Variants in ACAN observed in about 807,000 individuals in gnomAD.
ACAN encodes the protein aggrecan.
ACAN carries 47 observed loss-of-function variants against 169.1 expected under a neutral mutation model. The ratio of observed to expected loss-of-function variants is 0.28; its 90% CI spans 0.22 to 0.35. The LOEUF is 0.35. Ranked by LOEUF, ACAN falls within the 10% of genes least tolerant of loss-of-function variation. The probability of loss-of-function intolerance (pLI) is 1.00; values close to 1 mark genes in which losing one functional copy is unlikely to be tolerated. For synonymous variants in ACAN, 1,115 were observed against 1,112.2 expected (o/e 1.00, Z -0.05); for missense variants, 2,716 against 2,759.9 (o/e 0.98, Z 0.36).
intron 1 of ACAN, among the ~76,000 whole-genome samples, chr15:88,832,636 T>C (rs141986413): frequency 6.6e-6 from 1 of 152,348 alleles, no homozygotes; most frequent in East Asian, 1.9e-4. Flanking sequence ...ATTCGGATTG[T>C]AGATGATGGT....
rs758178161 is a variant in ACAN at position 88,864,272 on chromosome 15, C to CT, written c.6946+3846dup. The stretch of plus-strand genomic sequence containing the variant: ...AAATAATGATAGCATATGTTATAAC[C>CT]TTTTTTTTTTTTTAAGACAGAGTCT... On this transcript the variant is annotated intron_variant, in intron 13 of 18. Transcript: ENST00000560601. Among the ~76,000 whole-genome samples the CT allele has an allele frequency of 1.4e-3, 200 of 145,040 alleles. 1 individual carries two copies. The highest frequency in any genetic ancestry group is 5.5e-3 in the South Asian group (25 of 4,540).
At chr15:88,830,086 A>G (rs1229444097) in intron 1 of ACAN, among the ~76,000 whole-genome samples, 1 of 152,066 alleles carries the variant, frequency 6.6e-6, no homozygotes, top group African/African-American at 2.4e-5. Flanking sequence ...GCCAGCAAAC[A>G]TTTGCTGAGT....
intron 1 of ACAN, among the ~76,000 whole-genome samples, chr15:88,820,466 C>T (rs1896048343): frequency 6.6e-6 from 1 of 152,154 alleles, no homozygotes; most frequent in Admixed American, 6.5e-5. Context: ...TTTCTATAGC[C>T]CAATCTTGGA....
intron 1 of ACAN, among the ~76,000 whole-genome samples, chr15:88,821,016 A>G (rs531310884): frequency 3.3e-5 from 5 of 152,258 alleles, no homozygotes; most frequent in African/African-American, 1.2e-4. Flanking sequence ...GCAAAGGGGG[A>G]AAAGCCCCTT....
Position 88,870,717 on chromosome 15 carries a change from C to A in ACAN, c.7061-665C>A, listed in dbSNP as rs1414353034. Among the ~76,000 whole-genome samples, 1 of 152,094 alleles carries A rather than the reference C, an allele frequency of 6.6e-6. No individual in the cohort carries two copies. The highest frequency in any genetic ancestry group is 1.5e-5 in the Non-Finnish European group (1 of 68,012). On this transcript the variant is annotated intron_variant, in intron 14 of 18. Coordinates refer to ENST00000560601, the MANE Select transcript of ACAN (RefSeq NM_001369268.1). This position sits in a 1 kb window ranked among gnomAD's most constrained non-coding sequence, Gnocchi z 6.3. ...GAAGCTCCTCCCCTCTTCCCATTCA[C>A]CCCCAAAATAAAAAGCCAGGGCCCC...
intron 12 of ACAN, 31 bp downstream of exon 12, chr15:88,859,448 C>T: frequency 6.4e-7 from 1 of 1,551,566 alleles, no homozygotes; most frequent in East Asian, 2.4e-5. Flanking sequence ...TTTAAATGTG[C>T]TTAGGTAGTT....
Position 88,872,186 on chromosome 15 carries a change from ACCAGCTGC to A in ACAN, c.7302+102_7302+109del. ...TCAAACCCCATGCAGACAGCCGCTT[ACCAGCTGC>A]TGGACCGGGAACCCTTGAGGGCAGG... On this transcript the variant is annotated intron_variant, in intron 16 of 18. Transcript: ENST00000560601. The surrounding 1 kb of genome is among the most constrained non-coding windows in gnomAD (Gnocchi z 5.4). 9.7e-7 allele frequency: 1 copy of A among 1,026,794 alleles called. No homozygotes were observed. 63.6% of individuals were successfully genotyped at this position (1,026,794 alleles called of 1,614,324 possible).
At position 88,872,210 on chromosome 15, in the gene ACAN, T is replaced by G; in HGVS notation, c.7302+125T>G. ...TACCAGCTGCTGGACCGGGAACCCT[T>G]GAGGGCAGGGATTATCTCCTTCATC... On this transcript the variant is annotated intron_variant, in intron 16 of 18. Transcript: ENST00000560601. The surrounding 1 kb of genome is among the most constrained non-coding windows in gnomAD (Gnocchi z 5.4). The G allele has an allele frequency of 1.2e-6, 1 of 801,020 alleles. No homozygotes were observed. The highest frequency in any genetic ancestry group is 2.7e-5 in the East Asian group (1 of 37,326). 49.6% of individuals were successfully genotyped at this position (801,020 alleles called of 1,614,324 possible).
At chr15:88,809,230 A>T (rs1320118539) in intron 1 of ACAN, among the ~76,000 whole-genome samples, 2 of 152,150 alleles carry the variant, frequency 1.3e-5, no homozygotes, top group Non-Finnish European at 2.9e-5. Context: ...TTGCCATAGT[A>T]TTCCCTCTGC....
At chr15:88,860,264 G>T in intron 12 of ACAN, 62 bp from the exon 13 acceptor site, 1 of 1,263,384 alleles carries the variant, frequency 7.9e-7, no homozygotes, top group Non-Finnish European at 1.1e-6. Context: ...TTGAGGTCTT[G>T]GAGGCCATGG....
chr15:88,871,428 T>C lies in ACAN; in HGVS notation c.7107T>C (p.Cys2369=). 1 of 1,613,926 alleles carries C rather than the reference T, an allele frequency of 6.2e-7. No individual in the cohort carries two copies. The change falls in exon 15 of 19, where the codon TGT becomes TGC. Residue 2369 remains cysteine (C), a synonymous_variant. Transcript: ENST00000560601. This position sits in a 1 kb window ranked among gnomAD's most constrained non-coding sequence, Gnocchi z 7.8. ...GCTGGAACAAGTACCAGGGCCACTG[T>C]TACCGCCACTTCCCGGACCGCGAGA... ...EEGWNKYQGH[C]YRHFPDRETW... is the part of the protein sequence containing the mutation.
Position 88,838,553 on chromosome 15 carries a change from C to A in ACAN, c.71-110C>A. On this transcript the variant is annotated intron_variant, in intron 2 of 18. Transcript: ENST00000560601. This position sits in a 1 kb window ranked among gnomAD's most constrained non-coding sequence, Gnocchi z 5.1. ...CCATCATAGAGACAGACACACTCATCGGATTTCGCTCTCTCAGGAGAGTGC... is the reference window on the plus strand; with the variant it reads ...CCATCATAGAGACAGACACACTCATAGGATTTCGCTCTCTCAGGAGAGTGC... 3 of 1,307,002 alleles carry A rather than the reference C, an allele frequency of 2.3e-6. No individual in the cohort carries two copies. The highest frequency in any genetic ancestry group is 3.2e-6 in the Non-Finnish European group (3 of 946,792). 81.0% of individuals were successfully genotyped at this position (1,307,002 alleles called of 1,614,324 possible).
At chr15:88,841,263 T>C (rs2141570638) in intron 4 of ACAN, among the ~76,000 whole-genome samples, 1 of 152,352 alleles carries the variant, frequency 6.6e-6, no homozygotes, top group Admixed American at 6.5e-5. Context: ...AGATTGATGA[T>C]AGCACCTACC....
In ACAN at chr15:88,849,976, T is replaced by C; in HGVS notation, c.2026+245T>C. 1 of 634,464 alleles carries C rather than the reference T, an allele frequency of 1.6e-6. No individual in the cohort carries two copies. Among genetic ancestry groups the C allele is most frequent in the Non-Finnish European group, 2.8e-6 (1 of 355,832 alleles). The allele number at this position is 634,464 out of a possible 1,614,324, so 39.3% of individuals were successfully genotyped here. ...AACTTGAGCTGGTATTTATGTCTAC[T>C]AGAAATGAAGCAGACCTGAATTTGA... On this transcript the variant is annotated intron_variant, in intron 10 of 18. Transcript: ENST00000560601. This position sits in a 1 kb window ranked among gnomAD's most constrained non-coding sequence, Gnocchi z 5.1.
Position 88,871,484 on chromosome 15 carries a change from A to T in ACAN, c.7163A>T (p.Glu2388Val). ...TWVDAERRCR[E>V]QQSHLSSIVT... ...GTGGATGCTGAGCGCCGGTGTCGGGAGCAGCAGTCACACCTGAGCAGCATC... is the reference window on the plus strand; with the variant it reads ...GTGGATGCTGAGCGCCGGTGTCGGGTGCAGCAGTCACACCTGAGCAGCATC... The change falls in exon 15 of 19, where the codon GAG (glutamate) becomes GTG (valine). Residue 2388 changes from glutamate (E) to valine (V), a missense_variant. Glu to Val is a moderately radical substitution (Grantham distance 121). This residue lies in a region of ACAN where 1,389 missense variants were observed against 1,363.7 expected (regional missense o/e 1.02). Coordinates refer to ENST00000560601, the MANE Select transcript of ACAN (RefSeq NM_001369268.1). The surrounding 1 kb of genome is among the most constrained non-coding windows in gnomAD (Gnocchi z 7.8). 6.2e-7 allele frequency: 1 copy of T among 1,613,824 alleles called. No individual in the cohort carries two copies. Among genetic ancestry groups the T allele is most frequent in the South Asian group, 1.1e-5 (1 of 91,066 alleles).
chr15:88,841,556 TG>T (rs1896661499), intron 4 of ACAN, among the ~76,000 whole-genome samples, 183 bp from the exon 5 acceptor site: 1 of 152,210 alleles, frequency 6.6e-6, no homozygotes, highest in Admixed American at 6.5e-5. Context: ...TATTCAGTAG[TG>T]GGGGCTGCCT....
rs1897385956 is a variant in ACAN at position 88,871,811 on chromosome 15, G to C, written c.7220-192G>C. Among the ~76,000 whole-genome samples the C allele has an allele frequency of 6.6e-6, 1 of 152,236 alleles. No homozygotes were observed. The highest frequency in any genetic ancestry group is 2.1e-4 in the South Asian group (1 of 4,834). ...TGTCACCCGTCCATGCCAGCTTGGA[G>C]AGGTGGCCCGAAGTGCACTCCAGGC... On this transcript the variant is annotated intron_variant, in intron 15 of 18. Transcript: ENST00000560601. This position sits in a 1 kb window ranked among gnomAD's most constrained non-coding sequence, Gnocchi z 7.8.
Position 88,871,673 on chromosome 15 carries a change from T to A in ACAN, c.7219+133T>A, listed in dbSNP as rs988958066. The A allele has an allele frequency of 7.9e-7, 1 of 1,264,104 alleles. No homozygotes were observed. Among genetic ancestry groups the A allele is most frequent in the African/African-American group, 1.5e-5 (1 of 66,732 alleles). 78.3% of individuals were successfully genotyped at this position (1,264,104 alleles called of 1,614,324 possible). ...GGACCTGGGGGAGGGGGAACAGTGT[T>A]CCCACAGTCTGAGCTCCCAGAGAGA... On this transcript the variant is annotated intron_variant, in intron 15 of 18. Coordinates refer to ENST00000560601, the MANE Select transcript of ACAN (RefSeq NM_001369268.1). The surrounding 1 kb of genome is among the most constrained non-coding windows in gnomAD (Gnocchi z 7.8).
chr15:88,874,153 C>A lies in ACAN; in HGVS notation c.7630+129C>A. The A allele has an allele frequency of 1.5e-6, 2 of 1,320,616 alleles. No individual in the cohort carries two copies. Among genetic ancestry groups the A allele is most frequent in the Non-Finnish European group, 2.1e-6 (2 of 952,206 alleles). The allele number at this position is 1,320,616 out of a possible 1,614,324, so 81.8% of individuals were successfully genotyped here. ...GAGCAAGGGAAGGGAGGTCGGGGGGCTGCTCAGTCACAAATAGCTGACCAC... is the reference window on the plus strand; with the variant it reads ...GAGCAAGGGAAGGGAGGTCGGGGGGATGCTCAGTCACAAATAGCTGACCAC... On this transcript the variant is annotated intron_variant, in intron 18 of 18. Coordinates refer to ENST00000560601, the MANE Select transcript of ACAN (RefSeq NM_001369268.1). This position sits in a 1 kb window ranked among gnomAD's most constrained non-coding sequence, Gnocchi z 7.3.
Sources: gnomAD v4.1 joint callset for allele counts (sites outside exome capture counted in the v4.1 genomes callset) on GRCh38, gnomAD v4.1.1 for gene constraint, gnomAD v4.1.1 regional missense constraint, Gnocchi (gnomAD v3.1) non-coding constraint, MANE v1.5 for transcripts, NCBI Gene and HGNC (gene_info 2026-07-23, HGNC 2026-07-21) for gene names.